Variants in MAN2A1 observed in about 807,000 individuals in gnomAD.
The protein encoded by MAN2A1 is mannosidase alpha class 2A member 1.
In MAN2A1, 76 loss-of-function variants were observed where a neutral mutation model predicts 142.6. The ratio of observed to expected loss-of-function variants is 0.53; its 90% CI spans 0.44 to 0.65. MAN2A1 has a LOEUF of 0.65. MAN2A1 is among the 30% of genes least tolerant of loss of function. The pLI, the probability that MAN2A1 is intolerant of heterozygous loss-of-function variation, is 0.00. For missense variants in MAN2A1, 1,311 were observed against 1,365.1 expected, an observed-to-expected ratio of 0.96 and a Z score of 0.62; for synonymous variants, 559 against 473.2, an observed-to-expected ratio of 1.18 and a Z score of -2.35.
chr5:109,816,242 A>G (rs1754454698), intron 12 of MAN2A1, among the ~76,000 whole-genome samples: 1 of 152,106 alleles, frequency 6.6e-6, no homozygotes, highest in African/African-American at 2.4e-5. Context: ...ATAGTTTACT[A>G]ATAAAACCAT....
chr5:109,781,352 T>G, intron 8 of MAN2A1, 44 bp from the exon 9 acceptor site: 1 of 1,181,094 alleles, frequency 8.5e-7, no homozygotes, highest in South Asian at 1.5e-5. Flanking sequence ...AGTAAATAAT[T>G]TTAAGATAGA....
intron 12 of MAN2A1, among the ~76,000 whole-genome samples, chr5:109,816,981 A>G (rs895679113): frequency 6.6e-6 from 1 of 152,064 alleles, no homozygotes; most frequent in Non-Finnish European, 1.5e-5. Context: ...CTGTCCATGA[A>G]CTGAAGTATT....
chr5:109,828,062 G>T (rs114153128), intron 16 of MAN2A1, among the ~76,000 whole-genome samples: 1 of 148,786 alleles, frequency 6.7e-6, no homozygotes, highest in Non-Finnish European at 1.5e-5. Context: ...CCGAAATAGC[G>T]CCACTGTACT....
At chr5:109,728,255 A>T (rs2112582047) in intron 3 of MAN2A1, among the ~76,000 whole-genome samples, 1 of 152,046 alleles carries the variant, frequency 6.6e-6, no homozygotes, top group Non-Finnish European at 1.5e-5. Flanking sequence ...TTTATTTTTT[A>T]TTTATTTATT....
At chr5:109,832,951 C>A (rs548836575) in intron 16 of MAN2A1, among the ~76,000 whole-genome samples, 5 of 151,168 alleles carry the variant, frequency 3.3e-5, no homozygotes, top group Non-Finnish European at 1.5e-5. Flanking sequence ...ACCTCCCAGA[C>A]GGGGTGGCGG....
chr5:109,792,975 G>A (rs1158947459), intron 12 of MAN2A1, among the ~76,000 whole-genome samples: 1 of 151,976 alleles, frequency 6.6e-6, no homozygotes, highest in East Asian at 1.9e-4. Flanking sequence ...AGTCCTAGAA[G>A]GCCATTTTCA....
chr5:109,694,514 T>A (rs1309173596), intron 1 of MAN2A1, among the ~76,000 whole-genome samples: 5 of 152,118 alleles, frequency 3.3e-5, no homozygotes, highest in African/African-American at 1.2e-4. Flanking sequence ...CCCAGCCAGT[T>A]TTAAAATTTT....
In MAN2A1 at chr5:109,690,204, C is replaced by T; in HGVS notation, c.-214C>T. 7 of 536,678 alleles carry T rather than the reference C, an allele frequency of 1.3e-5. No individual in the cohort carries two copies. In the Admixed American group the frequency reaches 1.9e-4, roughly 14 times the overall value. 33.2% of individuals were successfully genotyped at this position (536,678 alleles called of 1,614,324 possible). ...CTCGCCTCGAGAGGGGCGCCCGACC[C>T]CGGGGAGGGCGGCAGGCCAGGGCGA... On this transcript the variant is annotated 5_prime_UTR_variant, in exon 1 of 22. Coordinates refer to ENST00000261483, the MANE Select transcript of MAN2A1 (RefSeq NM_002372.4).
chr5:109,770,570 C>T (rs753458432), intron 7 of MAN2A1, 29 bp downstream of exon 7: 1 of 1,597,212 alleles, frequency 6.3e-7, no homozygotes, highest in Non-Finnish European at 8.6e-7. Context: ...CATAAGACAA[C>T]ATCTTGAATA....
In MAN2A1 at chr5:109,723,079, G is replaced by A. The variant is rs571274845; in HGVS notation, c.536-6263G>A. Among the ~76,000 whole-genome samples, 21 of 152,212 alleles carry A rather than the reference G, an allele frequency of 1.4e-4. No individual in the cohort carries two copies. The East Asian group carries it at 2.3e-3, about 17-fold the overall frequency. ...GGTCTTCTAAGGGGCACTTAGAAAA[G>A]CAATATAATAAGGGGTCACAGTTGT... On this transcript the variant is annotated intron_variant, in intron 3 of 21. Coordinates refer to ENST00000261483, the MANE Select transcript of MAN2A1 (RefSeq NM_002372.4).
At chr5:109,840,735 G>A (rs1303315654) in intron 16 of MAN2A1, 18 of 363,544 alleles carry the variant, frequency 5.0e-5, no homozygotes, top group Non-Finnish European at 8.5e-5. Flanking sequence ...GGGGATGGAA[G>A]GGAAACTGCC....
rs1327022104 is a variant in MAN2A1 at position 109,701,448 on chromosome 5, TTGTC to T, written c.135+10899_135+10902del. Reference sequence around the variant, plus strand: ...TCAGATTGCAAATTGCCCTGAGAGTTTGTCTGAAGAGTTATGAGTTAGATGGTAG... The same window carrying T: ...TCAGATTGCAAATTGCCCTGAGAGTTTGAAGAGTTATGAGTTAGATGGTAG... On this transcript the variant is annotated intron_variant, in intron 1 of 21. Transcript: ENST00000261483. 5.3e-5 allele frequency among the ~76,000 whole-genome samples: 8 copies of T among 152,314 alleles called. 1 individual carries two copies. In the South Asian group the frequency reaches 1.0e-3, roughly 20 times the overall value.
At chr5:109,812,255 C>CT (rs1179190422) in intron 12 of MAN2A1, among the ~76,000 whole-genome samples, 1 of 151,830 alleles carries the variant, frequency 6.6e-6, no homozygotes, top group African/African-American at 2.4e-5. Context: ...CTCTGAAACT[C>CT]TAAGTGACAT....
intron 5 of MAN2A1, among the ~76,000 whole-genome samples, chr5:109,756,382 A>C (rs1335937430): frequency 1.3e-5 from 2 of 151,680 alleles, no homozygotes; most frequent in Admixed American, 6.6e-5. Flanking sequence ...ATCTCAGTAT[A>C]ATAATGTAGT....
At chr5:109,821,149 A>T (rs528766444) in intron 15 of MAN2A1, among the ~76,000 whole-genome samples, 1 of 152,224 alleles carries the variant, frequency 6.6e-6, no homozygotes, top group African/African-American at 2.4e-5. Flanking sequence ...CATTGCCAAC[A>T]TTTGGATGTA....
chr5:109,741,283 AC>A (rs1476825621), intron 4 of MAN2A1, among the ~76,000 whole-genome samples: 1 of 152,174 alleles, frequency 6.6e-6, no homozygotes, highest in Non-Finnish European at 1.5e-5. Context: ...GTAATAATTC[AC>A]TTTTATTCAC....
At chr5:109,824,048 A>G (rs892013731) in intron 16 of MAN2A1, among the ~76,000 whole-genome samples, 4 of 152,238 alleles carry the variant, frequency 2.6e-5, no homozygotes, top group Non-Finnish European at 5.9e-5. Flanking sequence ...GTTCCTCTGT[A>G]TATCTTCTCT....
intron 16 of MAN2A1, among the ~76,000 whole-genome samples, chr5:109,836,084 T>C (rs929897156): frequency 8.6e-5 from 13 of 150,368 alleles, no homozygotes; most frequent in Middle Eastern, 3.5e-3. Context: ...CAGTTTTTCT[T>C]TTAATAATAA....
Position 109,755,348 on chromosome 5 carries a change from C to G in MAN2A1, c.727C>G (p.Leu243Val). Reference sequence around the variant, plus strand: ...CTCTAGTTTAATAGAAAATGGTCAGCTTGAAATTGTGACAGGTGGCTGGGT... The same window carrying G: ...CTCTAGTTTAATAGAAAATGGTCAGGTTGAAATTGTGACAGGTGGCTGGGT... ...AVKSLIENGQ[L>V]EIVTGGWVMP... Residue 243 changes from leucine (L) to valine (V), a missense_variant, in exon 5 of 22, where the codon CTT becomes GTT. This residue lies in a region of MAN2A1 where 409 missense variants were observed against 412.7 expected (regional missense o/e 0.99). Coordinates refer to ENST00000261483, the MANE Select transcript of MAN2A1 (RefSeq NM_002372.4). 6.2e-7 allele frequency: 1 copy of G among 1,612,278 alleles called. No individual in the cohort carries two copies. The highest frequency in any genetic ancestry group is 8.5e-7 in the Non-Finnish European group (1 of 1,178,458).
Sources: allele counts gnomAD v4.1 joint callset (sites outside exome capture counted in the v4.1 genomes callset), GRCh38; gene constraint gnomAD v4.1.1; regional missense constraint gnomAD v4.1.1; transcripts MANE v1.5; gene names NCBI Gene and HGNC (gene_info 2026-07-23, HGNC 2026-07-21).